Variants in WDR70 observed in about 807,000 individuals in gnomAD.
WDR70 encodes WD repeat-containing protein 70.
WDR70 carries 53 observed loss-of-function variants against 88.6 expected under a neutral mutation model. The ratio of observed to expected loss-of-function variants is 0.60; its 90% CI spans 0.48 to 0.75. WDR70 has a LOEUF of 0.75. Ranked by LOEUF, WDR70 falls within the 30% of genes least tolerant of loss-of-function variation. The pLI is 0.00. For missense variants in WDR70, 610 were observed against 823.2 expected, an observed-to-expected ratio of 0.74 and a Z score of 3.17; for synonymous variants, 280 against 270.0, an observed-to-expected ratio of 1.04 and a Z score of -0.36.
At chr5:37,530,467 A>T (rs911613334) in intron 9 of WDR70, among the ~76,000 whole-genome samples, 1 of 151,652 alleles carries the variant, frequency 6.6e-6, no homozygotes, top group African/African-American at 2.4e-5. Context: ...TTTTATTACC[A>T]CTTCAGTCTC....
chr5:37,563,136 C>T lies in WDR70; in HGVS notation c.918-41928C>T, dbSNP rs1276714599. 4.7e-5 allele frequency among the ~76,000 whole-genome samples: 3 copies of T among 63,232 alleles called. 1 individual carries two copies. The highest frequency in any genetic ancestry group is 1.2e-4 in the Non-Finnish European group (3 of 25,110). 41.5% of individuals were successfully genotyped at this position (63,232 alleles called of 152,430 possible). Reference sequence around the variant, plus strand: ...CTGGCTGGGCGGGGGGCTGACCTCCCGGCCTCCCTCCCGGATGGGGGGGCT... The same window carrying T: ...CTGGCTGGGCGGGGGGCTGACCTCCTGGCCTCCCTCCCGGATGGGGGGGCT... On this transcript the variant is annotated intron_variant, in intron 9 of 17. Coordinates refer to ENST00000265107, the MANE Select transcript of WDR70 (RefSeq NM_018034.4).
intron 10 of WDR70, among the ~76,000 whole-genome samples, chr5:37,621,839 T>C (rs1231302446): frequency 6.6e-6 from 1 of 152,206 alleles, no homozygotes; most frequent in African/African-American, 2.4e-5. Flanking sequence ...CTAGGTTTTC[T>C]TCTAGGGTTT....
At chr5:37,465,612 T>A (rs1739126963) in intron 7 of WDR70, among the ~76,000 whole-genome samples, 1 of 151,778 alleles carries the variant, frequency 6.6e-6, no homozygotes, top group South Asian at 2.1e-4. Flanking sequence ...AGACATAGAT[T>A]TTATTTTTCC....
At chr5:37,469,299 A>G in intron 7 of WDR70, among the ~76,000 whole-genome samples, 1 of 152,166 alleles carries the variant, frequency 6.6e-6, no homozygotes, top group Non-Finnish European at 1.5e-5. Context: ...TACAGGACCA[A>G]AGGATCCTCT....
intron 9 of WDR70, among the ~76,000 whole-genome samples, chr5:37,553,930 G>A (rs1173800568): frequency 6.6e-6 from 1 of 152,144 alleles, no homozygotes; most frequent in African/African-American, 2.4e-5. Flanking sequence ...TCATCACATG[G>A]TAGCACTCCA....
At chr5:37,445,783 C>T (rs1165846932) in intron 7 of WDR70, among the ~76,000 whole-genome samples, 10 of 152,268 alleles carry the variant, frequency 6.6e-5, no homozygotes, top group Admixed American at 3.3e-4. Flanking sequence ...ATTGATGGGA[C>T]ATATCTCAAA....
intron 13 of WDR70, among the ~76,000 whole-genome samples, chr5:37,718,240 A>G (rs530965109): frequency 1.2e-3 from 187 of 152,228 alleles, no homozygotes; most frequent in Non-Finnish European, 2.0e-3. Context: ...AAGCAATTGG[A>G]CCTTGGTCTG....
chr5:37,654,564 T>C lies in WDR70; in HGVS notation c.1093-43091T>C, dbSNP rs542772331. Among the ~76,000 whole-genome samples, 9 of 152,282 alleles carry C rather than the reference T, an allele frequency of 5.9e-5. No individual in the cohort carries two copies. In the East Asian group the frequency reaches 1.7e-3, roughly 29 times the overall value. On this transcript the variant is annotated intron_variant, in intron 10 of 17. Coordinates refer to ENST00000265107, the MANE Select transcript of WDR70 (RefSeq NM_018034.4). ...GGGGTGTTAATGTCTCCCACTGTTA[T>C]TGTGTGAGAGTCTAAGTCTCTTTGT...
At chr5:37,657,110 T>C (rs1745576247) in intron 10 of WDR70, among the ~76,000 whole-genome samples, 1 of 152,140 alleles carries the variant, frequency 6.6e-6, no homozygotes, top group South Asian at 2.1e-4. Flanking sequence ...GCTTGAAACT[T>C]AGGGCCCTGG....
At chr5:37,651,047 T>C (rs1321270774) in intron 10 of WDR70, among the ~76,000 whole-genome samples, 6 of 151,924 alleles carry the variant, frequency 3.9e-5, no homozygotes, top group African/African-American at 1.5e-4. Context: ...CATGCCATGA[T>C]GGTTTGCTGC....
intron 10 of WDR70, among the ~76,000 whole-genome samples, chr5:37,624,012 C>T (rs1744592059): frequency 6.6e-6 from 1 of 152,078 alleles, no homozygotes; most frequent in Non-Finnish European, 1.5e-5. Context: ...GGGTAAGTAA[C>T]ATTCATCATC....
chr5:37,550,284 A>G (rs544806119), intron 9 of WDR70, among the ~76,000 whole-genome samples: 26 of 152,318 alleles, frequency 1.7e-4, no homozygotes, highest in African/African-American at 6.3e-4. Flanking sequence ...TATAGTTTCC[A>G]AAATTATTCT....
intron 10 of WDR70, among the ~76,000 whole-genome samples, chr5:37,646,992 A>G (rs1414061051): frequency 6.6e-6 from 1 of 152,158 alleles, no homozygotes; most frequent in African/African-American, 2.4e-5. Flanking sequence ...CTTTAAGGCC[A>G]ATAACTCTTA....
intron 10 of WDR70, among the ~76,000 whole-genome samples, chr5:37,652,463 C>T (rs1053946238): frequency 6.6e-6 from 1 of 152,180 alleles, no homozygotes; most frequent in African/African-American, 2.4e-5. Flanking sequence ...GTAGTTTTCT[C>T]TAATTCTGTG....
chr5:37,664,148 G>A (rs1046005177), intron 10 of WDR70, among the ~76,000 whole-genome samples: 1 of 152,074 alleles, frequency 6.6e-6, no homozygotes, highest in South Asian at 2.1e-4. Flanking sequence ...GATGTTTCTT[G>A]ACTCATCCTC....
At chr5:37,537,090 G>GT (rs1227455223) in intron 9 of WDR70, among the ~76,000 whole-genome samples, 1 of 152,232 alleles carries the variant, frequency 6.6e-6, no homozygotes, top group East Asian at 1.9e-4. Flanking sequence ...ATACAGAATT[G>GT]TTTTTCAAAG....
chr5:37,627,328 C>T (rs562771933), intron 10 of WDR70, among the ~76,000 whole-genome samples: 2 of 152,234 alleles, frequency 1.3e-5, no homozygotes, highest in South Asian at 2.1e-4. Context: ...CCATAGTTCT[C>T]AAACGTGTGG....
chr5:37,396,434 G>C lies in WDR70; in HGVS notation c.356G>C (p.Gly119Ala). ...GACTCTTCTGATGATGAGTTAATTG[G>C]CCCTCCTTTACCCCCTAAAATGGTA... ...SSDSSDDELI[G>A]PPLPPKMVGK... Residue 119 changes from glycine to alanine, a missense_variant, in exon 5 of 18, where the codon GGC becomes GCC. This residue lies in a region of WDR70 where 203 missense variants were observed against 228.1 expected (regional missense o/e 0.89). Transcript: ENST00000265107. The C allele has an allele frequency of 6.2e-7, 1 of 1,613,864 alleles. No individual in the cohort carries two copies. The highest frequency in any genetic ancestry group is 2.2e-5 in the East Asian group (1 of 44,868).
At chr5:37,407,710 G>A (rs1176385107) in intron 5 of WDR70, among the ~76,000 whole-genome samples, 1 of 149,820 alleles carries the variant, frequency 6.7e-6, no homozygotes, top group Non-Finnish European at 1.5e-5. Flanking sequence ...GTCTGTTTTT[G>A]TAGAAACGGG....
Sources: allele counts gnomAD v4.1 joint callset (sites outside exome capture counted in the v4.1 genomes callset), GRCh38; gene constraint gnomAD v4.1.1; regional missense constraint gnomAD v4.1.1; transcripts MANE v1.5; gene names NCBI Gene and HGNC (gene_info 2026-07-23, HGNC 2026-07-21).